CCSER1: variants seen among roughly 807,000 people sequenced by gnomAD.
CCSER1 encodes the protein serine-rich coiled-coil domain-containing protein 1.
A neutral mutation model predicts 82.0 loss-of-function variants in CCSER1; 41 were observed. The observed-to-expected ratio is 0.50, with a 90% confidence interval of 0.39 to 0.65. The LOEUF (loss-of-function observed/expected upper bound fraction) is 0.65. CCSER1 is among the 30% of genes least tolerant of loss of function. CCSER1 has a pLI of 0.00. For synonymous variants in CCSER1, 414 were observed against 383.9 expected, an observed-to-expected ratio of 1.08 and a Z score of -0.92; for missense variants, 1,119 against 1,064.2, an observed-to-expected ratio of 1.05 and a Z score of -0.72.
chr4:91,312,644 C>T lies in CCSER1; in HGVS notation c.2217+226650C>T, dbSNP rs546572992. Among the ~76,000 whole-genome samples, 301 of 152,006 alleles carry T rather than the reference C, an allele frequency of 2.0e-3. 1 individual carries two copies. Among genetic ancestry groups the T allele is most frequent in the South Asian group, 0.012 (59 of 4,824 alleles). On this transcript the variant is annotated intron_variant, in intron 10 of 10. Coordinates refer to ENST00000509176, the MANE Select transcript of CCSER1 (RefSeq NM_001145065.2). ...GGACTTTAAACTTGGATTCCATACT[C>T]ACTAAAAGAGTTTGGAAAATTATGT...
chr4:90,792,605 T>C (rs116368446), intron 7 of CCSER1, among the ~76,000 whole-genome samples: 92 of 152,294 alleles, frequency 6.0e-4, no homozygotes, highest in Non-Finnish European at 7.6e-4. Context: ...CTTTTGATGA[T>C]GTGACAGAAT....
chr4:90,352,668 A>G (rs889430575), intron 3 of CCSER1, among the ~76,000 whole-genome samples: 1 of 19,680 alleles, frequency 5.1e-5, no homozygotes, highest in Non-Finnish European at 7.8e-5. Flanking sequence ...TCAAAAAACA[A>G]AAAAAAAACA....
chr4:90,573,336 C>A (rs1780337494), intron 5 of CCSER1, among the ~76,000 whole-genome samples: 2 of 152,202 alleles, frequency 1.3e-5, no homozygotes, highest in Admixed American at 1.3e-4. Context: ...TCTGATGACT[C>A]AGTTCATGGA....
At chr4:91,010,406 A>ACATTCAAAAATATTAATAG (rs1561468586) in intron 9 of CCSER1, among the ~76,000 whole-genome samples, 1 of 137,778 alleles carries the variant, frequency 7.3e-6, no homozygotes, top group Non-Finnish European at 1.7e-5. Context: ...TTTTTGGTTG[A>ACATTCAAAAATATTAATAG]ATCTGTTTGG....
chr4:90,971,677 C>T (rs977767981), intron 9 of CCSER1, among the ~76,000 whole-genome samples: 1 of 151,816 alleles, frequency 6.6e-6, no homozygotes, highest in Non-Finnish European at 1.5e-5. Context: ...CCCAAATTAC[C>T]CTGAATATCA....
intron 10 of CCSER1, among the ~76,000 whole-genome samples, chr4:91,495,023 T>C (rs1338143679): frequency 6.6e-6 from 1 of 151,870 alleles, no homozygotes; most frequent in South Asian, 2.1e-4. Flanking sequence ...CTCCTGTGTT[T>C]CAGTTTTCTC....
At chr4:91,138,724 T>A (rs1728727245) in intron 10 of CCSER1, among the ~76,000 whole-genome samples, 1 of 135,552 alleles carries the variant, frequency 7.4e-6, no homozygotes, top group Admixed American at 7.7e-5. Flanking sequence ...TACAATGAAC[T>A]CAAACAAATT....
chr4:90,156,407 A>T (rs1728184447), intron 1 of CCSER1, among the ~76,000 whole-genome samples: 1 of 152,184 alleles, frequency 6.6e-6, no homozygotes, highest in Non-Finnish European at 1.5e-5. Flanking sequence ...TGCAGAGCTG[A>T]GTTCAATTCC....
intron 1 of CCSER1, among the ~76,000 whole-genome samples, chr4:90,162,626 A>G (rs1406043171): frequency 6.6e-6 from 1 of 152,120 alleles, no homozygotes; most frequent in Non-Finnish European, 1.5e-5. Context: ...CAAAACCCTA[A>G]CAGTGGTGGA....
At chr4:91,175,314 T>C (rs1192404468) in intron 10 of CCSER1, among the ~76,000 whole-genome samples, 2 of 152,134 alleles carry the variant, frequency 1.3e-5, no homozygotes, top group African/African-American at 2.4e-5. Flanking sequence ...GCAGCATGAT[T>C]TATAATCCTT....
chr4:91,181,635 G>A (rs977486820), intron 10 of CCSER1, among the ~76,000 whole-genome samples: 43 of 152,220 alleles, frequency 2.8e-4, no homozygotes, highest in East Asian at 7.7e-4. Context: ...GCCATGGCAC[G>A]CAGACTGAGA....
At chr4:90,510,354 T>C (rs1283883694) in intron 5 of CCSER1, among the ~76,000 whole-genome samples, 1 of 152,232 alleles carries the variant, frequency 6.6e-6, no homozygotes, top group African/African-American at 2.4e-5. Context: ...TAGTGAACTT[T>C]TTGAAATGTA....
At chr4:90,662,031 C>T (rs1460180387) in intron 6 of CCSER1, among the ~76,000 whole-genome samples, 1 of 146,986 alleles carries the variant, frequency 6.8e-6, no homozygotes. Context: ...CTTAGTCTCA[C>T]TCTTTCACCC....
At position 91,158,901 on chromosome 4, in the gene CCSER1, T is replaced by A. The variant is rs968353652; in HGVS notation, c.2217+72907T>A. On this transcript the variant is annotated intron_variant, in intron 10 of 10. Transcript: ENST00000509176. ...TTACCAGAAGCGAATCCATATTGGC[T>A]TGCTATCTCAAAAACATCACTCCCT... 5.9e-5 allele frequency among the ~76,000 whole-genome samples: 9 copies of A among 152,122 alleles called. No homozygotes were observed. The East Asian group carries it at 1.7e-3, about 29-fold the overall frequency.
rs185929133 is a variant in CCSER1, at chr4:90,860,473, T to G, written c.2094+44628T>G. 2.6e-5 allele frequency among the ~76,000 whole-genome samples: 4 copies of G among 151,788 alleles called. No homozygotes were observed. In the East Asian group the frequency reaches 7.8e-4, roughly 29 times the overall value. On this transcript the variant is annotated intron_variant, in intron 8 of 10. Coordinates refer to ENST00000509176, the MANE Select transcript of CCSER1 (RefSeq NM_001145065.2). ...AAAAATGTTAAATATAGAGTTAACATTTTTTGATATGGTAATAGTTTCTAC... is the reference window on the plus strand; with the variant it reads ...AAAAATGTTAAATATAGAGTTAACAGTTTTTGATATGGTAATAGTTTCTAC...
At chr4:91,378,236 C>T (rs1227455318) in intron 10 of CCSER1, among the ~76,000 whole-genome samples, 1 of 152,090 alleles carries the variant, frequency 6.6e-6, no homozygotes, top group Non-Finnish European at 1.5e-5. Flanking sequence ...CATGCAGGCT[C>T]TTTTGTGGTT....
At chr4:91,054,049 A>G (rs1350980714) in intron 9 of CCSER1, among the ~76,000 whole-genome samples, 4 of 152,312 alleles carry the variant, frequency 2.6e-5, no homozygotes, top group African/African-American at 4.8e-5. Flanking sequence ...ATAAATTGCT[A>G]CAAGTGGTAT....
At chr4:90,884,589 TAAAA>T (rs920919821) in intron 8 of CCSER1, among the ~76,000 whole-genome samples, 7 of 152,242 alleles carry the variant, frequency 4.6e-5, no homozygotes, top group African/African-American at 1.7e-4. Flanking sequence ...TTCTGTTTTA[TAAAA>T]AAATTCTGAA....
chr4:91,531,188 C>T (rs1761011981), intron 10 of CCSER1, among the ~76,000 whole-genome samples: 1 of 152,072 alleles, frequency 6.6e-6, no homozygotes, highest in African/African-American at 2.4e-5. Context: ...TAAGTAAATT[C>T]TGCCTTAATC....
Sources: gnomAD v4.1 joint callset for allele counts (sites outside exome capture counted in the v4.1 genomes callset) on GRCh38, gnomAD v4.1.1 for gene constraint, MANE v1.5 for transcripts, NCBI Gene and HGNC (gene_info 2026-07-23, HGNC 2026-07-21) for gene names.